The following AGBL1 variants were observed in gnomAD, a reference collection of about 807,000 sequenced individuals.
AGBL1 encodes the protein AGBL carboxypeptidase 1, also known as cytosolic carboxypeptidase 4.
A neutral mutation model predicts 118.9 loss-of-function variants in AGBL1; 130 were observed. That is an observed-to-expected ratio of 1.09 (90% confidence interval 0.95 to 1.26). AGBL1 has a LOEUF of 1.26. Ranked by LOEUF, AGBL1 falls within the 50% of genes most tolerant of loss-of-function variation. The pLI is 0.00. For synonymous variants in AGBL1, 555 were observed against 478.9 expected (o/e 1.16, Z -2.08); for missense variants, 1,584 against 1,298.1 (o/e 1.22, Z -3.38).
chr15:86,867,879 CGTCCAATATA>C (rs1567215246), intron 22 of AGBL1, among the ~76,000 whole-genome samples: 1 of 151,990 alleles, frequency 6.6e-6, no homozygotes, highest in African/African-American at 2.4e-5. Context: ...TATCCATGGC[CGTCCAATATA>C]CAGATATCCC....
chr15:86,511,954 G>A (rs890766231), intron 18 of AGBL1, among the ~76,000 whole-genome samples: 1 of 151,970 alleles, frequency 6.6e-6, no homozygotes, highest in Non-Finnish European at 1.5e-5. Flanking sequence ...TCTTGCTTTT[G>A]TGGTGTCAGA....
At chr15:86,773,864 A>G (rs1268761926) in intron 22 of AGBL1, among the ~76,000 whole-genome samples, 1 of 152,026 alleles carries the variant, frequency 6.6e-6, no homozygotes, top group Admixed American at 6.6e-5. Context: ...TTCAGAATGA[A>G]ATATACCAGC....
At chr15:86,196,860 TGCACATGTGCGCGCGCGC>T (rs1326772122) in intron 5 of AGBL1, among the ~76,000 whole-genome samples, 3,304 of 119,366 alleles carry the variant, frequency 0.028, 83 homozygotes, top group South Asian at 0.091. Flanking sequence ...TATGCGAATG[TGCACATGTGCGCGCGCGC>T]GCACACACAC....
intron 23 of AGBL1, among the ~76,000 whole-genome samples, chr15:86,978,380 CAA>C (rs1171095412): frequency 6.6e-6 from 1 of 152,066 alleles, no homozygotes; most frequent in African/African-American, 2.4e-5. Flanking sequence ...CATAAATATT[CAA>C]AAGTTCTAAA....
At chr15:86,530,170 G>T (rs928486185) in intron 19 of AGBL1, among the ~76,000 whole-genome samples, 1 of 141,844 alleles carries the variant, frequency 7.1e-6, no homozygotes, top group African/African-American at 3.1e-5. Flanking sequence ...TGGCAAGTTG[G>T]ATAAAGAGTC....
intron 24 of AGBL1, among the ~76,000 whole-genome samples, chr15:86,995,544 T>C (rs1435585864): frequency 6.7e-6 from 1 of 148,858 alleles, no homozygotes; most frequent in East Asian, 1.9e-4. Context: ...CATAGAAATG[T>C]GTCAAAATTC....
intron 22 of AGBL1, among the ~76,000 whole-genome samples, chr15:86,722,262 C>A (rs1482518977): frequency 6.6e-6 from 1 of 152,310 alleles, no homozygotes; most frequent in East Asian, 1.9e-4. Flanking sequence ...AACTCTACTA[C>A]AAGTCTACAG....
At chr15:86,995,315 G>T (rs1479874240) in intron 24 of AGBL1, among the ~76,000 whole-genome samples, 1 of 152,130 alleles carries the variant, frequency 6.6e-6, no homozygotes, top group Non-Finnish European at 1.5e-5. Context: ...GAGCCCGGGA[G>T]GTCAAGGCTG....
At chr15:86,644,632 A>G (rs941098973) in intron 21 of AGBL1, among the ~76,000 whole-genome samples, 8 of 144,482 alleles carry the variant, frequency 5.5e-5, no homozygotes, top group East Asian at 2.1e-4. Context: ...AATTGGCCTG[A>G]ACTCAAAAAA....
chr15:86,478,416 CA>C (rs2082595088), intron 18 of AGBL1, among the ~76,000 whole-genome samples: 1 of 152,280 alleles, frequency 6.6e-6, no homozygotes. Context: ...GCAAAAATCA[CA>C]AACATTCTTA....
chr15:86,356,053 A>T (rs1158604510), intron 17 of AGBL1, among the ~76,000 whole-genome samples: 1 of 152,164 alleles, frequency 6.6e-6, no homozygotes, highest in Non-Finnish European at 1.5e-5. Flanking sequence ...TAGTCAACAG[A>T]GCTATCTTCT....
chr15:86,309,976 A>G (rs1371363023), intron 17 of AGBL1, among the ~76,000 whole-genome samples: 3 of 152,164 alleles, frequency 2.0e-5, no homozygotes, highest in African/African-American at 4.8e-5. Context: ...CTTGTCTTCA[A>G]TTTTTTGGGA....
intron 17 of AGBL1, among the ~76,000 whole-genome samples, chr15:86,323,800 C>G (rs957595338): frequency 6.6e-6 from 1 of 152,162 alleles, no homozygotes; most frequent in East Asian, 1.9e-4. Context: ...GGTCATGGAC[C>G]ATTGGTGCTC....
intron 17 of AGBL1, among the ~76,000 whole-genome samples, chr15:86,340,697 A>G (rs2080448079): frequency 6.6e-6 from 1 of 152,174 alleles, no homozygotes; most frequent in African/African-American, 2.4e-5. Context: ...TTGTTATGGT[A>G]GTCCTAGGAA....
At chr15:86,826,023 C>A (rs2079009275) in intron 22 of AGBL1, among the ~76,000 whole-genome samples, 1 of 124,772 alleles carries the variant, frequency 8.0e-6, no homozygotes, top group Non-Finnish European at 1.8e-5. Context: ...TTCCCTTCAG[C>A]AGTAACTTCT....
chr15:86,900,877 C>G (rs1352724429), intron 22 of AGBL1, among the ~76,000 whole-genome samples: 2 of 152,054 alleles, frequency 1.3e-5, no homozygotes, highest in African/African-American at 4.8e-5. Context: ...TTACCTGGAC[C>G]CTCTCTAATG....
chr15:86,938,319 T>C (rs2080701988), intron 23 of AGBL1, among the ~76,000 whole-genome samples: 1 of 152,166 alleles, frequency 6.6e-6, no homozygotes, highest in Non-Finnish European at 1.5e-5. Flanking sequence ...GGGACACAGA[T>C]ATGATGGCTT....
chr15:86,818,606 G>A (rs900113223), intron 22 of AGBL1, among the ~76,000 whole-genome samples: 1 of 152,152 alleles, frequency 6.6e-6, no homozygotes, highest in Non-Finnish European at 1.5e-5. Flanking sequence ...GAACTAATAT[G>A]GGAGCATATC....
intron 5 of AGBL1, among the ~76,000 whole-genome samples, chr15:86,178,740 A>G (rs1052831903): frequency 6.6e-6 from 1 of 152,252 alleles, no homozygotes; most frequent in Non-Finnish European, 1.5e-5. Flanking sequence ...CAATGAAGCC[A>G]GCGTTACCCT....
Sources: gnomAD v4.1 joint callset for allele counts (sites outside exome capture counted in the v4.1 genomes callset) on GRCh38, gnomAD v4.1.1 for gene constraint, MANE v1.5 for transcripts, NCBI Gene and HGNC (gene_info 2026-07-23, HGNC 2026-07-21) for gene names.